LSP1: variants seen among roughly 807,000 people sequenced by gnomAD.
LSP1 encodes the protein lymphocyte-specific protein 1.
Under a neutral mutation model 49.3 loss-of-function variants are expected in LSP1, and 32 were observed. The observed-to-expected ratio is 0.65, with a 90% CI of 0.49 to 0.87. The LOEUF is 0.87. Ranked by LOEUF, LSP1 falls within the 40% of genes least tolerant of loss-of-function variation. The pLI is 0.00. For synonymous variants in LSP1, 179 were observed against 178.8 expected (o/e 1.00, Z -0.01); for missense variants, 428 against 442.6 (o/e 0.97, Z 0.30).
intron 8 of LSP1, among the ~76,000 whole-genome samples, 171 bp downstream of exon 8, chr11:1,887,037 G>T (rs973980019): frequency 1.3e-5 from 2 of 152,210 alleles, no homozygotes; most frequent in African/African-American, 4.8e-5. Flanking sequence ...GGTGTAGAAG[G>T]CTGTGTTGTC....
chr11:1,871,445 TG>T (rs1848003215), intron 1 of LSP1: 1 of 986,258 alleles, frequency 1.0e-6, no homozygotes, highest in East Asian at 1.1e-4. Context: ...GGTGATGGGC[TG>T]GTCAGCAGGA....
In LSP1 at chr11:1,886,877, C is replaced by G. The variant is rs754650757; in HGVS notation, c.852+11C>G. The stretch of plus-strand genomic sequence containing the variant: ...ACTCCGTCCTGCAAGGTAAGGTCCC[C>G]TCCAGGGGCAAGGCTGGGCTGCAGA... On this transcript the variant is annotated intron_variant, in intron 8 of 10. Coordinates refer to ENST00000311604, the MANE Select transcript of LSP1 (RefSeq NM_002339.3). 2.2e-5 allele frequency: 36 copies of G among 1,608,720 alleles called. No individual in the cohort carries two copies. The highest frequency in any genetic ancestry group is 3.1e-5 in the Non-Finnish European group (36 of 1,178,466).
Position 1,884,141 on chromosome 11 carries a change from T to TC in LSP1, c.591+123dup. ...GCCCAGGCCTGGCTTTTGTCTGCTA[T>TC]CCCCCCATTGCCCGGTGCTCAGCGA... On this transcript the variant is annotated intron_variant, in intron 5 of 10. Transcript: ENST00000311604. This position sits in a 1 kb window ranked among gnomAD's most constrained non-coding sequence, Gnocchi z 4.1. The TC allele has an allele frequency of 7.0e-7, 1 of 1,424,576 alleles. No homozygotes were observed. The highest frequency in any genetic ancestry group is 9.9e-7 in the Non-Finnish European group (1 of 1,015,172). 88.2% of individuals were successfully genotyped at this position (1,424,576 alleles called of 1,614,324 possible). A position where few individuals can be genotyped will look rare whatever the true frequency, so the allele number is the denominator to read the frequency against.
Position 1,880,163 on chromosome 11 carries a change from C to CTGA in LSP1, c.131_132insGAT (p.Leu44_Gln45insIle). On this transcript the variant is annotated inframe_insertion, in exon 2 of 11. Coordinates refer to ENST00000311604, the MANE Select transcript of LSP1 (RefSeq NM_002339.3). Reference sequence around the variant, plus strand: ...ATGCCAGCATGAGAGAGACAGGCAGCTTCAGGCCCAGGACGAGGAGGGAGG... The same window carrying CTGA: ...ATGCCAGCATGAGAGAGACAGGCAGCTGATTCAGGCCCAGGACGAGGAGGGAGG... 6.2e-7 allele frequency: 1 copy of CTGA among 1,606,354 alleles called. No individual in the cohort carries two copies. Among genetic ancestry groups the CTGA allele is most frequent in the Non-Finnish European group, 8.5e-7 (1 of 1,175,952 alleles).
intron 10 of LSP1, chr11:1,889,678 C>T (rs909014649): frequency 2.8e-5 from 18 of 633,228 alleles, no homozygotes; most frequent in Middle Eastern, 2.5e-4. Flanking sequence ...GCCTCAGCGG[C>T]GGGGCCAGCC....
intron 7 of LSP1, among the ~76,000 whole-genome samples, chr11:1,886,270 T>C (rs573452806): frequency 3.9e-5 from 6 of 151,980 alleles, no homozygotes; most frequent in Non-Finnish European, 7.4e-5. Context: ...TCAATGCCCC[T>C]CCATCTAACA....
chr11:1,881,873 G>T (rs1848562096), intron 3 of LSP1, among the ~76,000 whole-genome samples: 1 of 152,182 alleles, frequency 6.6e-6, no homozygotes, highest in East Asian at 1.9e-4. Flanking sequence ...GGCCGGCGAG[G>T]GGCCGCGAGG....
Position 1,884,184 on chromosome 11 carries a change from G to C in LSP1, c.592-96G>C, listed in dbSNP as rs999515633. 2 of 1,485,380 alleles carry C rather than the reference G, an allele frequency of 1.3e-6. No individual in the cohort carries two copies. Among genetic ancestry groups the C allele is most frequent in the Non-Finnish European group, 1.9e-6 (2 of 1,063,072 alleles). 92.0% of individuals were successfully genotyped at this position (1,485,380 alleles called of 1,614,324 possible). ...CTCAGCGAACCCCCATGATATAAGG[G>C]TTGGGGGTTGGATTAGTGGTTGGAG... is the stretch of plus-strand genomic sequence containing the variant. On this transcript the variant is annotated intron_variant, in intron 5 of 10. Transcript: ENST00000311604. This position sits in a 1 kb window ranked among gnomAD's most constrained non-coding sequence, Gnocchi z 4.1.
chr11:1,853,297 AT>A, intron 1 of LSP1, 100 bp downstream of exon 1: 2 of 1,338,674 alleles, frequency 1.5e-6, no homozygotes, highest in Non-Finnish European at 2.0e-6. Flanking sequence ...CTGATGGGGA[AT>A]CTGGGGCCCC....
Position 1,883,930 on chromosome 11 carries a change from A to G in LSP1, c.499-2A>G. Reference sequence around the variant, plus strand: ...TTGGGATGTCTGTTTTTTTTTTTCTAGCACCAGAAATGTCAGCAGCCCAGG... The same window carrying G: ...TTGGGATGTCTGTTTTTTTTTTTCTGGCACCAGAAATGTCAGCAGCCCAGG... On this transcript the variant is annotated splice_acceptor_variant, in intron 4 of 10. Coordinates refer to ENST00000311604, the MANE Select transcript of LSP1 (RefSeq NM_002339.3). LOFTEE classifies it high-confidence loss of function. The G allele has an allele frequency of 1.3e-6, 2 of 1,595,692 alleles. No individual in the cohort carries two copies. The highest frequency in any genetic ancestry group is 1.7e-6 in the Non-Finnish European group (2 of 1,174,644).
rs769962820 is a variant in LSP1, at chr11:1,886,828, G to A, written c.814G>A (p.Val272Ile). The A allele has an allele frequency of 1.9e-6, 3 of 1,611,738 alleles. No homozygotes were observed. Among genetic ancestry groups the A allele is most frequent in the Non-Finnish European group, 2.5e-6 (3 of 1,179,790 alleles). The part of the protein sequence containing the change: ...STKSRWETGE[V>I]QAQSAAKTPS... ...CAAGAGTCGGTGGGAGACGGGTGAG[G>A]TACAGGCTCAGTCTGCGGCCAAGAC... The change falls in exon 8 of 11, where the codon GTA becomes ATA. Residue 272 changes from valine to isoleucine, a missense_variant. By Grantham distance (29) the Val-to-Ile change is conservative. Coordinates refer to ENST00000311604, the MANE Select transcript of LSP1 (RefSeq NM_002339.3).
intron 3 of LSP1, among the ~76,000 whole-genome samples, chr11:1,882,698 A>T (rs1404379051): frequency 6.6e-6 from 1 of 152,110 alleles, no homozygotes; most frequent in Non-Finnish European, 1.5e-5. Flanking sequence ...GGCTGCACAG[A>T]CCTGCTCCTG....
chr11:1,883,135 G>A (rs527468515), intron 3 of LSP1, among the ~76,000 whole-genome samples: 2 of 152,328 alleles, frequency 1.3e-5, no homozygotes, highest in East Asian at 3.9e-4. Flanking sequence ...ATTGAACCCA[G>A]CCTCAGTGCC....
rs1848793123 is a variant in LSP1, at chr11:1,887,272, C to T, written c.888C>T (p.Leu296=). ...CTGGAGACATGAGCAAGAAAAGCCTCTGGGAGCAGAAGGGAGGCTCCAAGA... is the reference window on the plus strand; with the variant it reads ...CTGGAGACATGAGCAAGAAAAGCCTTTGGGAGCAGAAGGGAGGCTCCAAGA... ...IVAGDMSKKS[L]WEQKGGSKTS... is the part of the protein sequence containing the mutation. Residue 296 remains leucine (L), a synonymous_variant, in exon 9 of 11, where the codon CTC becomes CTT. Transcript: ENST00000311604. 10 of 1,596,826 alleles carry T rather than the reference C, an allele frequency of 6.3e-6. No individual in the cohort carries two copies. The highest frequency in any genetic ancestry group is 7.7e-6 in the Non-Finnish European group (9 of 1,170,714).
Position 1,884,157 on chromosome 11 carries a change from T to G in LSP1, c.592-123T>G. On this transcript the variant is annotated intron_variant, in intron 5 of 10. Transcript: ENST00000311604. This position sits in a 1 kb window ranked among gnomAD's most constrained non-coding sequence, Gnocchi z 4.1. ...TGTCTGCTATCCCCCCATTGCCCGG[T>G]GCTCAGCGAACCCCCATGATATAAG... 1 of 1,427,636 alleles carries G rather than the reference T, an allele frequency of 7.0e-7. No individual in the cohort carries two copies. The highest frequency in any genetic ancestry group is 1.2e-5 in the South Asian group (1 of 86,256). The allele number at this position is 1,427,636 out of a possible 1,614,324, so 88.4% of individuals were successfully genotyped here. A position where few individuals can be genotyped will look rare whatever the true frequency, so the allele number is the denominator to read the frequency against.
At chr11:1,871,020 G>C in intron 1 of LSP1, 6 of 985,630 alleles carry the variant, frequency 6.1e-6, no homozygotes, top group Non-Finnish European at 7.2e-6. Flanking sequence ...AGCAGGCACC[G>C]AGTGGGGCTG....
At chr11:1,871,277 C>T in intron 1 of LSP1, 1 of 986,784 alleles carries the variant, frequency 1.0e-6, no homozygotes, top group Non-Finnish European at 1.2e-6. Flanking sequence ...GCAGGCAGGG[C>T]CACCCACGAG....
intron 3 of LSP1, among the ~76,000 whole-genome samples, 158 bp from the exon 4 acceptor site, chr11:1,883,261 C>T (rs1848621739): frequency 6.6e-6 from 1 of 152,264 alleles, no homozygotes. Context: ...GCCACTGGAC[C>T]TTCTTTCCCA....
rs761092644 is a variant in LSP1 at position 1,871,546 on chromosome 11, G to A, written c.54-8541G>A. ...GAAGCCAGGGGTAGAGGGGTTGGGGGAAACCAGGCTCCATTTTCCAGTCTC... is the reference window on the plus strand; with the variant it reads ...GAAGCCAGGGGTAGAGGGGTTGGGGAAAACCAGGCTCCATTTTCCAGTCTC... On this transcript the variant is annotated intron_variant, in intron 1 of 10. Transcript: ENST00000311604. 38 of 889,934 alleles carry A rather than the reference G, an allele frequency of 4.3e-5. No individual in the cohort carries two copies. In the Middle Eastern group the frequency reaches 2.8e-3, roughly 66 times the overall value. The allele number at this position is 889,934 out of a possible 1,614,324, so 55.1% of individuals were successfully genotyped here. A position where few individuals can be genotyped will look rare whatever the true frequency, so the allele number is the denominator to read the frequency against.
Sources: gnomAD v4.1 joint callset for allele counts (sites outside exome capture counted in the v4.1 genomes callset) on GRCh38, gnomAD v4.1.1 for gene constraint, Gnocchi (gnomAD v3.1) non-coding constraint, MANE v1.5 for transcripts, NCBI Gene and HGNC (gene_info 2026-07-23, HGNC 2026-07-21) for gene names.